Variants in DLGAP1 observed in about 807,000 individuals in gnomAD.
The protein encoded by DLGAP1 is DLG associated protein 1, also known as disks large-associated protein 1.
A neutral mutation model predicts 90.8 loss-of-function variants in DLGAP1; 11 were observed. That is an observed-to-expected ratio of 0.12 (90% CI 0.08 to 0.20). The LOEUF is 0.20. Among genes scored for constraint, DLGAP1 ranks in the 10% least tolerant of loss-of-function variants. DLGAP1 has a pLI of 1.00. For synonymous variants in DLGAP1, 558 were observed against 540.7 expected, an observed-to-expected ratio of 1.03 and a Z score of -0.44; for missense variants, 1,050 against 1,333.8, an observed-to-expected ratio of 0.79 and a Z score of 3.31.
intron 1 of DLGAP1, among the ~76,000 whole-genome samples, chr18:4,196,268 G>T (rs2077496346): frequency 6.6e-6 from 1 of 152,196 alleles, no homozygotes; most frequent in African/African-American, 2.4e-5. Context: ...TGGAGAAACG[G>T]TAGGTAAGAG....
At chr18:3,867,758 T>C (rs1341461475) in intron 4 of DLGAP1, among the ~76,000 whole-genome samples, 1 of 152,148 alleles carries the variant, frequency 6.6e-6, no homozygotes, top group African/African-American at 2.4e-5. Flanking sequence ...ACAAATAGAA[T>C]CTAATAAATA....
intron 2 of DLGAP1, among the ~76,000 whole-genome samples, chr18:4,070,665 T>C (rs777181020): frequency 6.6e-6 from 1 of 151,966 alleles, no homozygotes; most frequent in Non-Finnish European, 1.5e-5. Flanking sequence ...ATAGAATTCA[T>C]GGCAAGGAGC....
chr18:3,879,696 G>T lies in DLGAP1; in HGVS notation c.373C>A (p.Arg125Ser). 6.2e-7 allele frequency: 1 copy of T among 1,608,072 alleles called. No homozygotes were observed. Among genetic ancestry groups the T allele is most frequent in the African/African-American group, 1.3e-5 (1 of 75,062 alleles). Residue 125 changes from arginine to serine, a missense_variant, in exon 4 of 13, where the codon CGC (arginine) becomes AGC (serine). Arg to Ser is a moderately radical substitution (Grantham distance 110, BLOSUM62 -1). This residue lies in a region of DLGAP1 where 485 missense variants were observed against 454.1 expected (regional missense o/e 1.07). Transcript: ENST00000315677. This position sits in a 1 kb window ranked among gnomAD's most constrained non-coding sequence, Gnocchi z 6.6. ...RDGYHTLQYK[R>S]TAVEHRSDSP... ...TCGCTGCGGTGCTCCACGGCCGTGC[G>T]CTTGTACTGCAGGGTGTGATAGCCA...
chr18:4,359,349 C>T (rs1055388568), intron 1 of DLGAP1, among the ~76,000 whole-genome samples: 3 of 152,202 alleles, frequency 2.0e-5, no homozygotes, highest in African/African-American at 7.2e-5. Flanking sequence ...AGGTGCCCTT[C>T]CTGGAGGAAA....
At chr18:4,386,279 G>A (rs551659392) in intron 1 of DLGAP1, among the ~76,000 whole-genome samples, 9 of 152,218 alleles carry the variant, frequency 5.9e-5, no homozygotes, top group East Asian at 3.9e-4. Context: ...GCTAGATCCT[G>A]TAATTTCCCA....
chr18:3,943,155 A>G (rs1278784932), intron 3 of DLGAP1, among the ~76,000 whole-genome samples: 1 of 152,092 alleles, frequency 6.6e-6, no homozygotes, highest in Admixed American at 6.6e-5. Flanking sequence ...TCAATCTCCT[A>G]TCTTCAACTT....
At chr18:4,161,616 A>T (rs552271370) in intron 1 of DLGAP1, among the ~76,000 whole-genome samples, 1 of 152,158 alleles carries the variant, frequency 6.6e-6, no homozygotes, top group South Asian at 2.1e-4. Flanking sequence ...CTTATTTTTT[A>T]AAAAATCAGG....
At chr18:4,433,546 T>C (rs971280742) in intron 1 of DLGAP1, among the ~76,000 whole-genome samples, 7 of 152,236 alleles carry the variant, frequency 4.6e-5, no homozygotes, top group African/African-American at 1.7e-4. Context: ...TCATCTAATG[T>C]TAACATAGTA....
intron 3 of DLGAP1, among the ~76,000 whole-genome samples, chr18:3,995,015 AT>A (rs2074039977): frequency 6.6e-6 from 1 of 152,240 alleles, no homozygotes; most frequent in Admixed American, 6.5e-5. Flanking sequence ...GTATCTATAG[AT>A]TATGCTCAAT....
rs556561232 is a variant in DLGAP1, at chr18:4,357,764, C to T, written c.-267+97242G>A. Among the ~76,000 whole-genome samples the T allele has an allele frequency of 1.1e-4, 16 of 152,292 alleles. No individual in the cohort carries two copies. In the South Asian group the frequency reaches 1.4e-3, roughly 14 times the overall value. The stretch of plus-strand genomic sequence containing the variant: ...AGTCAGTGGGCCCAGTGCTTCGCAG[C>T]GCCTCTCCACTGATTAACAAACAGG... On this transcript the variant is annotated intron_variant, in intron 1 of 12. Transcript: ENST00000315677.
At chr18:4,350,338 T>G (rs1355082482) in intron 1 of DLGAP1, among the ~76,000 whole-genome samples, 1 of 152,164 alleles carries the variant, frequency 6.6e-6, no homozygotes, top group East Asian at 1.9e-4. Context: ...AAACCGATTG[T>G]TTTTAAAGAA....
chr18:3,823,949 CAAAAA>C (rs60286806), intron 4 of DLGAP1, among the ~76,000 whole-genome samples: 1 of 36,550 alleles, frequency 2.7e-5, no homozygotes, highest in South Asian at 2.1e-3. Context: ...GACTCCCTCT[CAAAAA>C]AAAAAAAAAA....
chr18:4,230,877 G>A (rs529710753), intron 1 of DLGAP1, among the ~76,000 whole-genome samples: 1 of 151,574 alleles, frequency 6.6e-6, no homozygotes, highest in East Asian at 1.9e-4. Context: ...AATATGTCAT[G>A]TATGCCATAA....
intron 1 of DLGAP1, among the ~76,000 whole-genome samples, chr18:4,392,482 C>T (rs972977068): frequency 3.3e-5 from 5 of 151,948 alleles, no homozygotes; most frequent in South Asian, 2.1e-4. Flanking sequence ...GTTTCAGATG[C>T]TCCAAGAAAA....
intron 9 of DLGAP1, among the ~76,000 whole-genome samples, chr18:3,537,880 T>C (rs771986492): frequency 8.5e-5 from 13 of 152,234 alleles, no homozygotes; most frequent in Non-Finnish European, 1.0e-4. Context: ...CATTTTAAGA[T>C]AGTTTGTTGG....
intron 3 of DLGAP1, among the ~76,000 whole-genome samples, chr18:3,922,302 T>C (rs1302344138): frequency 2.0e-5 from 3 of 152,160 alleles, no homozygotes; most frequent in African/African-American, 7.2e-5. Flanking sequence ...TTTAGGATCT[T>C]GACAATGAAT....
At chr18:3,566,028 C>A (rs535313610) in intron 9 of DLGAP1, among the ~76,000 whole-genome samples, 2 of 152,026 alleles carry the variant, frequency 1.3e-5, no homozygotes, top group East Asian at 3.9e-4. Context: ...TGGGAATTTC[C>A]CCATGTTTCT....
intron 7 of DLGAP1, among the ~76,000 whole-genome samples, chr18:3,602,811 G>C (rs1201772195): frequency 6.6e-6 from 1 of 152,092 alleles, no homozygotes; most frequent in Non-Finnish European, 1.5e-5. Context: ...ATAGGTCAAA[G>C]ACGTTATTAA....
At chr18:3,529,524 A>G (rs912959521) in intron 10 of DLGAP1, among the ~76,000 whole-genome samples, 6 of 152,238 alleles carry the variant, frequency 3.9e-5, no homozygotes, top group African/African-American at 1.4e-4. Flanking sequence ...CTTTTATAAA[A>G]CAGAATTTCC....
Sources: gnomAD v4.1 joint callset for allele counts (sites outside exome capture counted in the v4.1 genomes callset) on GRCh38, gnomAD v4.1.1 for gene constraint, gnomAD v4.1.1 regional missense constraint, Gnocchi (gnomAD v3.1) non-coding constraint, MANE v1.5 for transcripts, NCBI Gene and HGNC (gene_info 2026-07-23, HGNC 2026-07-21) for gene names.